The following LRFN5 variants were observed in gnomAD, a reference collection of about 807,000 sequenced individuals.
LRFN5 encodes leucine rich repeat and fibronectin type III domain containing 5, also known as leucine-rich repeat and fibronectin type-III domain-containing protein 5.
LRFN5 carries 24 observed loss-of-function variants against 45.6 expected under a neutral mutation model. The observed-to-expected ratio is 0.53, with a 90% CI of 0.38 to 0.74. The LOEUF is 0.74. Among genes scored for constraint, LRFN5 ranks in the 30% least tolerant of loss-of-function variants. LRFN5 has a pLI of 0.00. For synonymous variants in LRFN5, 340 were observed against 313.8 expected (o/e 1.08, Z -0.88); for missense variants, 776 against 861.5 (o/e 0.90, Z 1.24).
At chr14:41,755,913 C>CT (rs1440971005) in intron 1 of LRFN5, among the ~76,000 whole-genome samples, 7 of 152,174 alleles carry the variant, frequency 4.6e-5, no homozygotes, top group African/African-American at 1.7e-4. Flanking sequence ...CCGGATGTTC[C>CT]TTTCCACGTC....
intron 1 of LRFN5, among the ~76,000 whole-genome samples, chr14:41,637,026 C>A (rs1156429580): frequency 6.6e-6 from 1 of 152,162 alleles, no homozygotes; most frequent in Non-Finnish European, 1.5e-5. Flanking sequence ...CAATTCCTTT[C>A]TAACTCAAGA....
chr14:41,885,226 G>A (rs1399340155), intron 2 of LRFN5, among the ~76,000 whole-genome samples: 1 of 150,996 alleles, frequency 6.6e-6, no homozygotes, highest in Non-Finnish European at 1.5e-5. Context: ...TCAGAAGGCT[G>A]AAGAGGAAGG....
In LRFN5 at chr14:41,777,920, C is replaced by T. The variant is rs116011257; in HGVS notation, c.-21+10891C>T. On this transcript the variant is annotated intron_variant, in intron 2 of 5. Coordinates refer to ENST00000298119, the MANE Select transcript of LRFN5 (RefSeq NM_152447.5). Reference sequence around the variant, plus strand: ...AACCAAACCTTAATCCTGTTTCTGACTCTGTCTTTAAGATGGTAATTCTTC... The same window carrying T: ...AACCAAACCTTAATCCTGTTTCTGATTCTGTCTTTAAGATGGTAATTCTTC... Among the ~76,000 whole-genome samples, 857 of 149,610 alleles carry T rather than the reference C, an allele frequency of 5.7e-3. 5 individuals carry two copies. The highest frequency in any genetic ancestry group is 0.02 in the African/African-American group (801 of 40,774).
intron 1 of LRFN5, among the ~76,000 whole-genome samples, chr14:41,764,589 A>G (rs1481556211): frequency 2.6e-5 from 4 of 152,110 alleles, no homozygotes; most frequent in African/African-American, 9.7e-5. Flanking sequence ...AGGGGGAGTT[A>G]GGATGATATT....
chr14:41,830,529 A>G (rs1888442318), intron 2 of LRFN5, among the ~76,000 whole-genome samples: 1 of 152,288 alleles, frequency 6.6e-6, no homozygotes. Flanking sequence ...ACACCCTTCT[A>G]TATCAGTCAG....
chr14:41,878,761 C>T (rs139663209), intron 2 of LRFN5, among the ~76,000 whole-genome samples: 6 of 152,120 alleles, frequency 3.9e-5, no homozygotes, highest in African/African-American at 1.4e-4. Flanking sequence ...AGATTAAAAA[C>T]ATAGATAGTA....
intron 1 of LRFN5, among the ~76,000 whole-genome samples, chr14:41,762,556 A>G (rs1039021249): frequency 1.3e-5 from 2 of 152,102 alleles, no homozygotes; most frequent in African/African-American, 4.8e-5. Context: ...TGTTTTAATA[A>G]TAGTGTTTAT....
chr14:41,730,160 T>C (rs1189575769), intron 1 of LRFN5, among the ~76,000 whole-genome samples: 1 of 152,100 alleles, frequency 6.6e-6, no homozygotes. Context: ...ATTATCTCAT[T>C]ACAGATGCAA....
chr14:41,842,328 G>T lies in LRFN5; in HGVS notation c.-20-44278G>T, dbSNP rs866803707. Among the ~76,000 whole-genome samples the T allele has an allele frequency of 2.6e-5, 4 of 152,196 alleles. No individual in the cohort carries two copies. In the South Asian group the frequency reaches 8.3e-4, roughly 32 times the overall value. ...TAAATAGACAGTGACAAGCATCATTGTAGGTTAACTTTTGTCTTGCTGATT... is the reference window on the plus strand; with the variant it reads ...TAAATAGACAGTGACAAGCATCATTTTAGGTTAACTTTTGTCTTGCTGATT... On this transcript the variant is annotated intron_variant, in intron 2 of 5. Coordinates refer to ENST00000298119, the MANE Select transcript of LRFN5 (RefSeq NM_152447.5).
chr14:41,797,679 G>A (rs1202288452), intron 2 of LRFN5, among the ~76,000 whole-genome samples: 2 of 151,526 alleles, frequency 1.3e-5, no homozygotes, highest in East Asian at 1.9e-4. Context: ...ACATATTTAT[G>A]TATGTATGTA....
At chr14:41,806,163 T>C (rs1322262748) in intron 2 of LRFN5, among the ~76,000 whole-genome samples, 1 of 152,120 alleles carries the variant, frequency 6.6e-6, no homozygotes, top group Non-Finnish European at 1.5e-5. Context: ...CGTTCAGGAG[T>C]CTGAGAAATA....
intron 2 of LRFN5, among the ~76,000 whole-genome samples, chr14:41,818,032 A>C (rs563433256): frequency 1.3e-5 from 2 of 152,088 alleles, no homozygotes; most frequent in Non-Finnish European, 2.9e-5. Flanking sequence ...TATTTCCTCT[A>C]TGTATTTTGG....
chr14:41,900,389 T>G (rs1310282343), intron 5 of LRFN5, among the ~76,000 whole-genome samples: 2 of 152,058 alleles, frequency 1.3e-5, no homozygotes, highest in Non-Finnish European at 2.9e-5. Context: ...AAATGGAATT[T>G]AGACTTTCTT....
intron 2 of LRFN5, among the ~76,000 whole-genome samples, chr14:41,787,433 A>G (rs907200783): frequency 3.9e-5 from 6 of 151,942 alleles, no homozygotes; most frequent in Non-Finnish European, 8.8e-5. Context: ...GGATAATCTC[A>G]TTGCTACTCT....
chr14:41,786,056 C>T (rs1886709197), intron 2 of LRFN5, among the ~76,000 whole-genome samples: 1 of 152,104 alleles, frequency 6.6e-6, no homozygotes, highest in East Asian at 1.9e-4. Context: ...AAGAAGCTTA[C>T]AATGGTTTAT....
chr14:41,795,728 A>G (rs1887100575), intron 2 of LRFN5, among the ~76,000 whole-genome samples: 1 of 151,968 alleles, frequency 6.6e-6, no homozygotes, highest in Non-Finnish European at 1.5e-5. Flanking sequence ...TTGAACAATG[A>G]AAACACTTGG....
At chr14:41,713,284 A>C (rs2138751372) in intron 1 of LRFN5, among the ~76,000 whole-genome samples, 1 of 152,218 alleles carries the variant, frequency 6.6e-6, no homozygotes, top group Admixed American at 6.5e-5. Context: ...TTCATAATGT[A>C]AGGGAAAATT....
intron 2 of LRFN5, among the ~76,000 whole-genome samples, chr14:41,831,046 T>C (rs963262519): frequency 6.6e-6 from 1 of 152,204 alleles, no homozygotes; most frequent in African/African-American, 2.4e-5. Context: ...TCACCACTCT[T>C]GTCACTCTTA....
chr14:41,715,769 A>G (rs1293364672), intron 1 of LRFN5, among the ~76,000 whole-genome samples: 1 of 152,082 alleles, frequency 6.6e-6, no homozygotes. Context: ...CGTTGGATCT[A>G]TCATTCTGGG....
Sources: gnomAD v4.1 joint callset for allele counts (sites outside exome capture counted in the v4.1 genomes callset) on GRCh38, gnomAD v4.1.1 for gene constraint, MANE v1.5 for transcripts, NCBI Gene and HGNC (gene_info 2026-07-23, HGNC 2026-07-21) for gene names.